CALN1: variants seen among roughly 807,000 people sequenced by gnomAD.
CALN1 encodes the protein calcium-binding protein 8.
Under a neutral mutation model 30.6 loss-of-function variants are expected in CALN1, and 17 were observed. That is an observed-to-expected ratio of 0.56 (90% confidence interval 0.38 to 0.83). The LOEUF (loss-of-function observed/expected upper bound fraction) is 0.83, where lower values mean the gene tolerates loss of function less well. Ranked by LOEUF, CALN1 falls within the 40% of genes least tolerant of loss-of-function variation. The pLI is 0.00. For missense variants in CALN1, 291 were observed against 354.9 expected (o/e 0.82, Z 1.45); for synonymous variants, 156 against 131.4 (o/e 1.19, Z -1.28).
At chr7:71,958,096 A>AAAAAAG (rs1797059851) in intron 5 of CALN1, among the ~76,000 whole-genome samples, 1 of 151,254 alleles carries the variant, frequency 6.6e-6, no homozygotes, top group Non-Finnish European at 1.5e-5. Context: ...AAGAAAGAAA[A>AAAAAAG]AAAAAGAAAA....
intron 2 of CALN1, among the ~76,000 whole-genome samples, chr7:72,364,926 C>T (rs915989294): frequency 3.3e-5 from 5 of 150,310 alleles, no homozygotes; most frequent in Non-Finnish European, 5.9e-5. Context: ...TCCCAGCACT[C>T]TGGGAGGCCA....
chr7:71,964,934 A>G (rs1331785826), intron 5 of CALN1, among the ~76,000 whole-genome samples: 5 of 152,224 alleles, frequency 3.3e-5, no homozygotes, highest in Non-Finnish European at 7.3e-5. Flanking sequence ...GCTCACAATC[A>G]GCACCTTAAA....
intron 3 of CALN1, among the ~76,000 whole-genome samples, chr7:72,146,181 T>G (rs1246942100): frequency 6.6e-6 from 1 of 152,168 alleles, no homozygotes; most frequent in African/African-American, 2.4e-5. Context: ...GAAGTCAAAT[T>G]GTCCCTCTTT....
At chr7:72,270,485 G>A (rs1159881940) in intron 3 of CALN1, among the ~76,000 whole-genome samples, 1 of 152,124 alleles carries the variant, frequency 6.6e-6, no homozygotes, top group African/African-American at 2.4e-5. Context: ...GTTTTAATAA[G>A]CCAAGGCTGG....
chr7:72,279,074 T>G (rs1445217222), intron 2 of CALN1, among the ~76,000 whole-genome samples: 1 of 152,188 alleles, frequency 6.6e-6, no homozygotes, highest in African/African-American at 2.4e-5. Flanking sequence ...GTTGTCCTTG[T>G]TAATCATGGC....
At chr7:71,944,853 ATC>A (rs1360961868) in intron 5 of CALN1, among the ~76,000 whole-genome samples, 18 of 152,268 alleles carry the variant, frequency 1.2e-4, no homozygotes, top group African/African-American at 4.3e-4. Context: ...GTCTCCCAGC[ATC>A]CTTGAAGAAG....
chr7:72,147,251 A>T (rs539881459), intron 3 of CALN1, among the ~76,000 whole-genome samples: 4 of 152,232 alleles, frequency 2.6e-5, no homozygotes, highest in East Asian at 1.9e-4. Flanking sequence ...GAATCTACAA[A>T]GAACTCAAAC....
At chr7:72,132,909 G>A (rs1310040965) in intron 3 of CALN1, among the ~76,000 whole-genome samples, 1 of 152,130 alleles carries the variant, frequency 6.6e-6, no homozygotes, top group Non-Finnish European at 1.5e-5. Flanking sequence ...GAACATTACT[G>A]CCTGAGCTCC....
At chr7:72,295,095 C>A (rs1442909628) in intron 2 of CALN1, among the ~76,000 whole-genome samples, 1 of 152,122 alleles carries the variant, frequency 6.6e-6, no homozygotes, top group African/African-American at 2.4e-5. Context: ...ACCCAAATCT[C>A]ACAAATCACT....
chr7:72,265,963 A>C (rs753765473), intron 3 of CALN1, among the ~76,000 whole-genome samples: 3 of 151,934 alleles, frequency 2.0e-5, no homozygotes, highest in Admixed American at 2.0e-4. Context: ...GTGAGGCCCT[A>C]TCTCTCCAAA....
At chr7:72,005,812 A>C (rs1002711090) in intron 5 of CALN1, among the ~76,000 whole-genome samples, 1 of 151,944 alleles carries the variant, frequency 6.6e-6, no homozygotes, top group Non-Finnish European at 1.5e-5. Context: ...TGGGGGTGGG[A>C]ATGAGGAGAT....
At chr7:72,125,294 C>T (rs539257018) in intron 3 of CALN1, among the ~76,000 whole-genome samples, 4 of 152,178 alleles carry the variant, frequency 2.6e-5, no homozygotes, top group Non-Finnish European at 5.9e-5. Context: ...GGATTACAGG[C>T]GTGAGCCACC....
At chr7:71,834,372 A>T (rs1304017875) in intron 5 of CALN1, among the ~76,000 whole-genome samples, 1 of 131,478 alleles carries the variant, frequency 7.6e-6, no homozygotes, top group Non-Finnish European at 1.7e-5. Context: ...AAAAAAAAAA[A>T]AATCAGAAGA....
At chr7:72,436,517 A>T (rs1808164507) in intron 1 of CALN1, among the ~76,000 whole-genome samples, 1 of 152,160 alleles carries the variant, frequency 6.6e-6, no homozygotes, top group East Asian at 1.9e-4. Context: ...ACAGACTAAT[A>T]CAACTGCATT....
chr7:71,819,424 G>A (rs575736975), intron 5 of CALN1, among the ~76,000 whole-genome samples: 29 of 152,036 alleles, frequency 1.9e-4, no homozygotes, highest in South Asian at 1.7e-3. Flanking sequence ...GGCTGGTCTC[G>A]AACTCCCGAC....
rs975724932 is a variant in CALN1, at chr7:72,159,617, G to A, written c.245-53323C>T. On this transcript the variant is annotated intron_variant, in intron 3 of 6. Transcript: ENST00000395275. ...GTTTGAGACCCGCCTGGCCAACATG[G>A]TGAAACCCCACCTCCACTAAAAATA... is the stretch of plus-strand genomic sequence containing the variant. 3.3e-5 allele frequency among the ~76,000 whole-genome samples: 5 copies of A among 152,062 alleles called. No homozygotes were observed. The South Asian group carries it at 1.0e-3, about 32-fold the overall frequency.
intron 4 of CALN1, among the ~76,000 whole-genome samples, chr7:72,053,358 G>T (rs1802963315): frequency 6.6e-6 from 1 of 152,224 alleles, no homozygotes; most frequent in Admixed American, 6.5e-5. Context: ...TTACCGGCTG[G>T]TAGGTGATAG....
intron 3 of CALN1, among the ~76,000 whole-genome samples, chr7:72,212,645 T>C (rs1792498431): frequency 1.3e-5 from 2 of 151,666 alleles, no homozygotes; most frequent in Non-Finnish European, 2.9e-5. Flanking sequence ...CGAGACTCCA[T>C]CACTACAAAG....
chr7:72,158,404 T>A (rs1787869720), intron 3 of CALN1, among the ~76,000 whole-genome samples: 1 of 152,164 alleles, frequency 6.6e-6, no homozygotes, highest in Non-Finnish European at 1.5e-5. Context: ...GCAGATCATA[T>A]TGAATGCCTC....
Sources: allele counts gnomAD v4.1 joint callset (sites outside exome capture counted in the v4.1 genomes callset), GRCh38; gene constraint gnomAD v4.1.1; transcripts MANE v1.5; gene names NCBI Gene and HGNC (gene_info 2026-07-23, HGNC 2026-07-21).